ANKRD62: variants seen among roughly 807,000 people sequenced by gnomAD.
ANKRD62 encodes the protein ankyrin repeat domain 62, also known as ankyrin repeat domain-containing protein 62.
A neutral mutation model predicts 98.8 loss-of-function variants in ANKRD62; 61 were observed. The observed-to-expected ratio is 0.62, with a 90% CI of 0.50 to 0.76. The LOEUF is 0.76. Ranked by LOEUF, ANKRD62 falls within the 30% of genes least tolerant of loss-of-function variation. The probability of loss-of-function intolerance (pLI) is 0.00; values close to 1 mark genes in which losing one functional copy is unlikely to be tolerated. For missense variants in ANKRD62, 933 were observed against 1,082.9 expected (o/e 0.86, Z 1.94); for synonymous variants, 341 against 367.9 (o/e 0.93, Z 0.84).
At chr18:12,117,799 C>A (rs1909696418) in intron 10 of ANKRD62, among the ~76,000 whole-genome samples, 1 of 152,138 alleles carries the variant, frequency 6.6e-6, no homozygotes, top group African/African-American at 2.4e-5. Flanking sequence ...ACCCTGCAGT[C>A]CTGGGAAAAA....
At chr18:12,110,647 T>C (rs1274725376) in intron 8 of ANKRD62, among the ~76,000 whole-genome samples, 1 of 152,206 alleles carries the variant, frequency 6.6e-6, no homozygotes, top group African/African-American at 2.4e-5. Context: ...TTGAACTCAC[T>C]GCTGTAATTT....
At chr18:12,117,353 A>G (rs1909686710) in intron 10 of ANKRD62, among the ~76,000 whole-genome samples, 2 of 152,216 alleles carry the variant, frequency 1.3e-5, no homozygotes. Flanking sequence ...GACGAAGACA[A>G]AAAGCTGGCC....
At chr18:12,127,715 G>A (rs1598739233) in intron 13 of ANKRD62, 33 bp from the exon 14 acceptor site, 1 of 1,342,542 alleles carries the variant, frequency 7.4e-7, no homozygotes, top group Non-Finnish European at 9.5e-7. Context: ...TAAGTGATAT[G>A]TAAAATCAGT....
chr18:12,094,200 G>T lies in ANKRD62; in HGVS notation c.183G>T (p.Arg61Ser), dbSNP rs1374427166. ...VNKVMESILL[R>S]LNDLNDRDKK... ...AGGTGATGGAGAGCATCTTGCTCAG[G>T]CTGAATGACTTGAACGACAGGGACA... is the stretch of plus-strand genomic sequence containing the variant. The change falls in exon 1 of 14, where the codon AGG becomes AGT. Residue 61 changes from arginine to serine, a missense_variant. By Grantham distance (110) the Arg-to-Ser change is moderately radical. Around this residue, in one of 3 missense-constraint regions of ANKRD62, gnomAD observed 549 missense variants for 587.9 expected, o/e 0.93. Coordinates refer to ENST00000587848, the MANE Select transcript of ANKRD62 (RefSeq NM_001277333.2). 2.6e-6 allele frequency: 4 copies of T among 1,530,744 alleles called. No individual in the cohort carries two copies. Among genetic ancestry groups the T allele is most frequent in the East Asian group, 2.5e-5 (1 of 40,564 alleles). The allele number at this position is 1,530,744 out of a possible 1,614,324, so 94.8% of individuals were successfully genotyped here.
Position 12,115,462 on chromosome 18 carries a change from G to A in ANKRD62, c.1168G>A (p.Asp390Asn). 6.5e-7 allele frequency: 1 copy of A among 1,536,888 alleles called. No homozygotes were observed. Among genetic ancestry groups the A allele is most frequent in the Non-Finnish European group, 8.7e-7 (1 of 1,146,386 alleles). Residue 390 changes from aspartate to asparagine, a missense_variant, in exon 10 of 14, where the codon GAT becomes AAT. Asp to Asn is a conservative substitution (Grantham distance 23). This residue lies in a region of ANKRD62 where 549 missense variants were observed against 587.9 expected (regional missense o/e 0.93). Coordinates refer to ENST00000587848, the MANE Select transcript of ANKRD62 (RefSeq NM_001277333.2). ...TGGGTCATCTGAAAAAACCTCAGAG[G>A]ATGATGAGTTGCCTTACTCTGATGA... ...ISGSSEKTSEDDELPYSDDEN... is the reference protein window; with the variant it reads ...ISGSSEKTSENDELPYSDDEN...
chr18:12,131,879 T>C (rs992582592), downstream of ANKRD62, among the ~76,000 whole-genome samples: 3 of 152,172 alleles, frequency 2.0e-5, no homozygotes, highest in African/African-American at 4.8e-5. Context: ...TCAAACTGGA[T>C]TGTATTTTTC....
chr18:12,106,425 T>C (rs1909414691), intron 7 of ANKRD62, among the ~76,000 whole-genome samples: 1 of 152,158 alleles, frequency 6.6e-6, no homozygotes, highest in Non-Finnish European at 1.5e-5. Flanking sequence ...TTCTGAGGCA[T>C]TATGTTACTT....
the ANKRD62 span, among the ~76,000 whole-genome samples, chr18:12,136,415 G>A: frequency 6.6e-6 from 1 of 152,052 alleles, no homozygotes; most frequent in Non-Finnish European, 1.5e-5. Context: ...CTCTGTTTTG[G>A]TACCAGTACC....
At chr18:12,164,491 G>T in the ANKRD62 span, among the ~76,000 whole-genome samples, 1 of 151,444 alleles carries the variant, frequency 6.6e-6, no homozygotes. Flanking sequence ...ATTCATTAAT[G>T]TGTGTTCTGA....
chr18:12,124,417 T>A (rs907122107), intron 12 of ANKRD62, 97 bp downstream of exon 12: 56 of 423,580 alleles, frequency 1.3e-4, no homozygotes, highest in African/African-American at 1.1e-3. Context: ...AAACCACAAA[T>A]TTTATTTCAT....
intron 10 of ANKRD62, 128 bp from the exon 11 acceptor site, chr18:12,122,175 A>G: frequency 3.2e-6 from 2 of 626,496 alleles, no homozygotes; most frequent in South Asian, 2.8e-5. Context: ...TATTTTCCAC[A>G]TTGCAAGCAC....
chr18:12,126,062 A>T lies in ANKRD62; in HGVS notation c.2241A>T (p.Arg747=), dbSNP rs1047909330. Residue 747 remains arginine, a synonymous_variant, in exon 13 of 14, where the codon CGA becomes CGT. Transcript: ENST00000587848. ...MQGVLSRTQR[R]LEDIEHMYQN... is the part of the protein sequence containing the mutation. ...GAGTCCTAAGCCGAACACAGCGTCG[A>T]TTGGAGGACATTGAACACATGTACC... 1.3e-6 allele frequency: 2 copies of T among 1,536,092 alleles called. No individual in the cohort carries two copies. Among genetic ancestry groups the T allele is most frequent in the African/African-American group, 2.7e-5 (2 of 73,048 alleles).
chr18:12,112,029 G>A (rs1909551686), intron 8 of ANKRD62, among the ~76,000 whole-genome samples: 1 of 148,006 alleles, frequency 6.8e-6, no homozygotes, highest in Admixed American at 7.0e-5. Flanking sequence ...AGAGTTGCTG[G>A]AACCCAGGAG....
the ANKRD62 span, among the ~76,000 whole-genome samples, chr18:12,158,337 T>C: frequency 6.6e-6 from 1 of 152,212 alleles, no homozygotes; most frequent in Admixed American, 6.5e-5. Flanking sequence ...GGCTGTTGTG[T>C]TCTTTCATCA....
At chr18:12,105,656 T>C (rs1435524713) in intron 7 of ANKRD62, among the ~76,000 whole-genome samples, 2 of 152,222 alleles carry the variant, frequency 1.3e-5, no homozygotes, top group Non-Finnish European at 2.9e-5. Context: ...TTTTTACTTA[T>C]GAAAAGCTCT....
downstream of ANKRD62, among the ~76,000 whole-genome samples, chr18:12,129,925 C>G (rs1909976854): frequency 1.3e-5 from 2 of 151,994 alleles, no homozygotes; most frequent in Non-Finnish European, 2.9e-5. Flanking sequence ...GTTTTTAATT[C>G]TTTGTTTTAG....
intron 5 of ANKRD62, 133 bp downstream of exon 5, chr18:12,097,910 A>T (rs1359773119): frequency 9.8e-7 from 1 of 1,022,494 alleles, no homozygotes; most frequent in Non-Finnish European, 1.4e-6. Flanking sequence ...AGTCCACTTC[A>T]TCAGCCAGAA....
At chr18:12,167,714 G>A in the ANKRD62 span, among the ~76,000 whole-genome samples, 118 of 152,152 alleles carry the variant, frequency 7.8e-4, no homozygotes, top group Non-Finnish European at 1.5e-3. Flanking sequence ...TCGCCACACC[G>A]TCTTCCACAA....
At chr18:12,167,664 C>CTAG in the ANKRD62 span, among the ~76,000 whole-genome samples, 1 of 152,174 alleles carries the variant, frequency 6.6e-6, no homozygotes, top group Non-Finnish European at 1.5e-5. Flanking sequence ...AATAGGATCA[C>CTAG]TAGGTCAAAT....
Sources: allele counts gnomAD v4.1 joint callset (sites outside exome capture counted in the v4.1 genomes callset), GRCh38; gene constraint gnomAD v4.1.1; regional missense constraint gnomAD v4.1.1; transcripts MANE v1.5; gene names NCBI Gene and HGNC (gene_info 2026-07-23, HGNC 2026-07-21).